Variants in FER observed in about 807,000 individuals in gnomAD.
FER encodes FER tyrosine kinase.
Under a neutral mutation model 111.0 loss-of-function variants are expected in FER, and 63 were observed. The observed-to-expected ratio is 0.57, with a 90% confidence interval of 0.46 to 0.70. The LOEUF (loss-of-function observed/expected upper bound fraction) is 0.70. Ranked by LOEUF, FER falls within the 30% of genes least tolerant of loss-of-function variation. The probability of loss-of-function intolerance (pLI) is 0.00; values close to 1 mark genes in which losing one functional copy is unlikely to be tolerated. For synonymous variants in FER, 327 were observed against 313.9 expected, an observed-to-expected ratio of 1.04 and a Z score of -0.44; for missense variants, 914 against 954.0, an observed-to-expected ratio of 0.96 and a Z score of 0.55.
intron 10 of FER, among the ~76,000 whole-genome samples, chr5:108,918,608 T>C (rs1036235884): frequency 6.6e-6 from 1 of 151,796 alleles, no homozygotes; most frequent in Admixed American, 6.6e-5. Flanking sequence ...TGCCTCAGCC[T>C]CCCGAGTAGC....
At chr5:108,767,110 C>A (rs575673168) in intron 1 of FER, among the ~76,000 whole-genome samples, 46 of 152,182 alleles carry the variant, frequency 3.0e-4, no homozygotes, top group African/African-American at 1.1e-3. Flanking sequence ...TCGAGACCAG[C>A]CTGACCAACA....
chr5:108,992,846 C>T (rs540217113), intron 13 of FER, among the ~76,000 whole-genome samples: 2 of 150,142 alleles, frequency 1.3e-5, no homozygotes, highest in Non-Finnish European at 3.0e-5. Flanking sequence ...AGAGACACTC[C>T]TCACCTCCCA....
At chr5:108,899,526 C>T (rs1301482766) in intron 10 of FER, among the ~76,000 whole-genome samples, 65 of 151,886 alleles carry the variant, frequency 4.3e-4, no homozygotes, top group Non-Finnish European at 5.9e-5. Context: ...TGGCTGGGCG[C>T]GGTGGCTCAC....
chr5:108,984,391 A>G (rs1310525000), intron 13 of FER, among the ~76,000 whole-genome samples: 1 of 152,154 alleles, frequency 6.6e-6, no homozygotes, highest in Admixed American at 6.6e-5. Flanking sequence ...ACGAAATCCC[A>G]GTTATTATAT....
chr5:108,750,617 C>G (rs969168029), intron 1 of FER, among the ~76,000 whole-genome samples: 1 of 152,202 alleles, frequency 6.6e-6, no homozygotes, highest in Non-Finnish European at 1.5e-5. Flanking sequence ...AGCTTCTGCA[C>G]TGCTTCAAAG....
chr5:109,179,832 G>C (rs553485699), intron 17 of FER, among the ~76,000 whole-genome samples: 26 of 152,118 alleles, frequency 1.7e-4, no homozygotes, highest in Non-Finnish European at 3.4e-4. Flanking sequence ...GTATCTGAGG[G>C]GGGGTCCTGG....
chr5:108,758,882 A>G (rs1751407245), intron 1 of FER, among the ~76,000 whole-genome samples: 1 of 152,182 alleles, frequency 6.6e-6, no homozygotes, highest in African/African-American at 2.4e-5. Flanking sequence ...TAGCGTGCAT[A>G]CATTTCCTCC....
At chr5:108,897,235 A>G (rs1283239308) in intron 9 of FER, among the ~76,000 whole-genome samples, 1 of 152,060 alleles carries the variant, frequency 6.6e-6, no homozygotes, top group Non-Finnish European at 1.5e-5. Context: ...CCAGACTGTC[A>G]CCTTGATTTT....
intron 10 of FER, among the ~76,000 whole-genome samples, chr5:108,921,986 A>T (rs541476573): frequency 1.3e-5 from 2 of 152,330 alleles, no homozygotes; most frequent in African/African-American, 2.4e-5. Flanking sequence ...TGAAGTTGTT[A>T]GGGTGAGCTC....
intron 17 of FER, among the ~76,000 whole-genome samples, chr5:109,118,142 G>C (rs1419205068): frequency 1.3e-5 from 2 of 152,122 alleles, no homozygotes; most frequent in African/African-American, 4.8e-5. Context: ...ATTGGCTGTG[G>C]GTTTGTCATA....
chr5:109,035,665 A>G (rs1233957335), intron 13 of FER, among the ~76,000 whole-genome samples: 1 of 152,126 alleles, frequency 6.6e-6, no homozygotes, highest in Admixed American at 6.6e-5. Flanking sequence ...GAGCAATTTG[A>G]GTCATAGGAT....
chr5:109,170,382 A>G (rs528136206), intron 17 of FER, among the ~76,000 whole-genome samples: 1 of 152,194 alleles, frequency 6.6e-6, no homozygotes, highest in Non-Finnish European at 1.5e-5. Context: ...ATCAAGATAA[A>G]ATGAATAGTA....
At chr5:108,962,891 A>G (rs886314884) in intron 13 of FER, among the ~76,000 whole-genome samples, 1 of 152,174 alleles carries the variant, frequency 6.6e-6, no homozygotes, top group East Asian at 1.9e-4. Flanking sequence ...CTTAACCACT[A>G]TATATTTTTC....
intron 5 of FER, among the ~76,000 whole-genome samples, chr5:108,861,961 A>C (rs1480807564): frequency 6.6e-6 from 1 of 152,140 alleles, no homozygotes; most frequent in Middle Eastern, 3.2e-3. Context: ...CTTTGTTTTT[A>C]CCTGCAAGGG....
rs574315486 is a variant in FER at position 108,986,806 on chromosome 5, C to T, written c.1656+27459C>T. Among the ~76,000 whole-genome samples the T allele has an allele frequency of 6.6e-5, 10 of 152,084 alleles. No individual in the cohort carries two copies. In the South Asian group the frequency reaches 2.1e-3, roughly 32 times the overall value. ...CTCTATTCTGTTCCATTGGTCTATG[C>T]CTACTTTTATATCGGTACCGTGCTG... On this transcript the variant is annotated intron_variant, in intron 13 of 19. Coordinates refer to ENST00000281092, the MANE Select transcript of FER (RefSeq NM_005246.4).
At chr5:108,883,647 G>T (rs1765896563) in intron 9 of FER, 129 bp downstream of exon 9, 2 of 754,022 alleles carry the variant, frequency 2.7e-6, no homozygotes, top group Non-Finnish European at 3.8e-6. Flanking sequence ...ATGAAGTTTT[G>T]TATAGTTAAT....
chr5:108,931,892 G>A (rs752949104), intron 10 of FER, among the ~76,000 whole-genome samples: 2 of 152,040 alleles, frequency 1.3e-5, no homozygotes, highest in Admixed American at 1.3e-4. Context: ...ATATAATATT[G>A]TCCATTTGAA....
At chr5:108,886,796 T>A (rs996646918) in intron 9 of FER, among the ~76,000 whole-genome samples, 1 of 151,734 alleles carries the variant, frequency 6.6e-6, no homozygotes, top group East Asian at 1.9e-4. Flanking sequence ...AGTCAAGGTA[T>A]AATCTTGAAA....
At chr5:109,109,833 A>G (rs184748800) in intron 17 of FER, among the ~76,000 whole-genome samples, 3 of 152,252 alleles carry the variant, frequency 2.0e-5, no homozygotes. Flanking sequence ...GACACTATCT[A>G]AAAAGGGTAG....
Sources: allele counts gnomAD v4.1 joint callset (sites outside exome capture counted in the v4.1 genomes callset), GRCh38; gene constraint gnomAD v4.1.1; transcripts MANE v1.5; gene names NCBI Gene and HGNC (gene_info 2026-07-23, HGNC 2026-07-21).